Variants in ATXN7L1 observed in about 807,000 individuals in gnomAD.
ATXN7L1 encodes the protein ataxin-7-like protein 1.
In ATXN7L1, 15 loss-of-function variants were observed where a neutral mutation model predicts 70.8. That is an observed-to-expected ratio of 0.21 (90% CI 0.14 to 0.33). The LOEUF is 0.33. Among genes scored for constraint, ATXN7L1 ranks in the 10% least tolerant of loss-of-function variants. The probability of loss-of-function intolerance (pLI) is 1.00; values close to 1 mark genes in which losing one functional copy is unlikely to be tolerated. For missense variants in ATXN7L1, 975 were observed against 1,097.1 expected (o/e 0.89, Z 1.57); for synonymous variants, 440 against 445.1 (o/e 0.99, Z 0.14).
intron 3 of ATXN7L1, among the ~76,000 whole-genome samples, chr7:105,783,869 T>C (rs1269967778): frequency 6.6e-6 from 1 of 152,182 alleles, no homozygotes; most frequent in Non-Finnish European, 1.5e-5. Context: ...CCTGGGGACC[T>C]ATTACTTGTG....
At chr7:105,641,207 T>TCCC in intron 5 of ATXN7L1, among the ~76,000 whole-genome samples, 1 of 100,608 alleles carries the variant, frequency 9.9e-6, no homozygotes, top group African/African-American at 3.7e-5. Context: ...TCTCTCTCTC[T>TCCC]CTCTCTCTTT....
At chr7:105,733,503 C>CATCCATCCATCCATCCATCCATCCA (rs200115510) in intron 3 of ATXN7L1, among the ~76,000 whole-genome samples, 98 of 124,310 alleles carry the variant, frequency 7.9e-4, no homozygotes, top group Middle Eastern at 3.8e-3. Context: ...CCCATCCATC[C>CATCCATCCATCCATCCATCCATCCA]TTCCATCCAT....
rs529496768 is a variant in ATXN7L1 at position 105,874,349 on chromosome 7, C to T, written c.250+1463G>A. Among the ~76,000 whole-genome samples the T allele has an allele frequency of 3.0e-3, 464 of 152,242 alleles. 3 individuals carry two copies. Among genetic ancestry groups the T allele is most frequent in the Non-Finnish European group, 5.4e-3 (365 of 68,018 alleles). On this transcript the variant is annotated intron_variant, in intron 2 of 11. Transcript: ENST00000419735. ...ACAGCCTCATCATCTTTTATGGACA[C>T]GTTGCCAGTAGCCTGATAACTGGGT...
At chr7:105,616,582 T>C (rs1793926267) in intron 9 of ATXN7L1, among the ~76,000 whole-genome samples, 1 of 152,188 alleles carries the variant, frequency 6.6e-6, no homozygotes, top group South Asian at 2.1e-4. Context: ...GCCCCATAAA[T>C]ACTTGTTGCA....
chr7:105,620,234 T>G lies in ATXN7L1; in HGVS notation c.1483A>C (p.Met495Leu). The G allele has an allele frequency of 6.4e-7, 1 of 1,551,546 alleles. No homozygotes were observed. The highest frequency in any genetic ancestry group is 1.2e-5 in the South Asian group (1 of 84,060). The change falls in exon 9 of 12, where the codon ATG (methionine) becomes CTG (leucine). Residue 495 changes from methionine to leucine, a missense_variant. Met to Leu is a conservative substitution (Grantham distance 15). This residue lies in a region of ATXN7L1 where 635 missense variants were observed against 699.4 expected (regional missense o/e 0.91). Transcript: ENST00000419735. Reference protein sequence around the residue: ...WDRFRFALNSMVEKHLNSQMW... With the variant: ...WDRFRFALNSLVEKHLNSQMW... ...TGTGAATTCAGGTGTTTTTCTACCA[T>G]GGAGTTTAGTGCGAATCGAAAACGA...
intron 9 of ATXN7L1, 128 bp downstream of exon 9, chr7:105,620,072 C>T (rs1337267166): frequency 2.5e-6 from 3 of 1,202,232 alleles, no homozygotes; most frequent in African/African-American, 1.5e-5. Context: ...AAGAATTAAT[C>T]AAGCATCCTG....
intron 2 of ATXN7L1, among the ~76,000 whole-genome samples, chr7:105,869,875 T>C (rs1817992977): frequency 1.3e-5 from 2 of 152,206 alleles, no homozygotes; most frequent in Admixed American, 6.5e-5. Context: ...TCCCAGTCCC[T>C]AGAAAGAACT....
At chr7:105,634,480 T>C (rs557545669) in intron 7 of ATXN7L1, among the ~76,000 whole-genome samples, 7 of 152,292 alleles carry the variant, frequency 4.6e-5, no homozygotes, top group African/African-American at 1.7e-4. Flanking sequence ...CCAGCCACCT[T>C]AGGTGAGTAA....
rs1791515856 is a variant in ATXN7L1 at position 105,694,952 on chromosome 7, A to C, written c.356-29664T>G. Among the ~76,000 whole-genome samples, 4 of 152,208 alleles carry C rather than the reference A, an allele frequency of 2.6e-5. No homozygotes were observed. The South Asian group carries it at 8.3e-4, about 32-fold the overall frequency. Reference sequence around the variant, plus strand: ...GGATTGCCTGAGGTCAGGAGTTCGAAACCAGCCCAGCCAACATGCTGAAAC... The same window carrying C: ...GGATTGCCTGAGGTCAGGAGTTCGACACCAGCCCAGCCAACATGCTGAAAC... On this transcript the variant is annotated intron_variant, in intron 3 of 11. Transcript: ENST00000419735.
chr7:105,725,872 C>T (rs894342880), intron 3 of ATXN7L1, among the ~76,000 whole-genome samples: 4 of 151,498 alleles, frequency 2.6e-5, no homozygotes, highest in South Asian at 2.1e-4. Context: ...TGAGCCACCA[C>T]GCATGGCCTC....
intron 2 of ATXN7L1, among the ~76,000 whole-genome samples, chr7:105,817,222 T>C (rs1809328792): frequency 6.6e-6 from 1 of 152,182 alleles, no homozygotes; most frequent in East Asian, 1.9e-4. Context: ...CCTCTACCTA[T>C]TGTTGATACA....
intron 2 of ATXN7L1, among the ~76,000 whole-genome samples, chr7:105,827,392 T>C (rs1474049421): frequency 6.6e-6 from 1 of 152,232 alleles, no homozygotes; most frequent in East Asian, 1.9e-4. Context: ...TTTTATGTCT[T>C]TAGGAGAATA....
At chr7:105,840,929 T>A (rs1026536556) in intron 2 of ATXN7L1, among the ~76,000 whole-genome samples, 1 of 152,216 alleles carries the variant, frequency 6.6e-6, no homozygotes, top group African/African-American at 2.4e-5. Context: ...TAGGGACATT[T>A]TCCTGTGTCC....
chr7:105,828,011 C>G (rs1454914896), intron 2 of ATXN7L1, among the ~76,000 whole-genome samples: 1 of 151,916 alleles, frequency 6.6e-6, no homozygotes, highest in African/African-American at 2.4e-5. Context: ...GGAAAAAAAA[C>G]AACTTTGTTT....
chr7:105,702,961 A>G (rs1792653943), intron 3 of ATXN7L1, among the ~76,000 whole-genome samples: 1 of 152,174 alleles, frequency 6.6e-6, no homozygotes, highest in South Asian at 2.1e-4. Context: ...CTAAAAATAC[A>G]AAAAATTAGC....
At chr7:105,658,515 G>C (rs1158169365) in intron 4 of ATXN7L1, among the ~76,000 whole-genome samples, 2 of 145,260 alleles carry the variant, frequency 1.4e-5, no homozygotes, top group Non-Finnish European at 1.5e-5. Flanking sequence ...CTGTTATGTG[G>C]CACATAACTT....
At chr7:105,669,005 C>T (rs1316659170) in intron 3 of ATXN7L1, among the ~76,000 whole-genome samples, 3 of 152,256 alleles carry the variant, frequency 2.0e-5, no homozygotes, top group Non-Finnish European at 2.9e-5. Flanking sequence ...GCCTTGGCCT[C>T]GCAAAATGTT....
intron 3 of ATXN7L1, among the ~76,000 whole-genome samples, chr7:105,704,816 G>A (rs184091000): frequency 2.6e-5 from 4 of 151,652 alleles, no homozygotes; most frequent in African/African-American, 9.7e-5. Flanking sequence ...TCACTATGTT[G>A]GCCAGGCTGG....
At chr7:105,849,321 G>T (rs1322320281) in intron 2 of ATXN7L1, among the ~76,000 whole-genome samples, 1 of 152,202 alleles carries the variant, frequency 6.6e-6, no homozygotes, top group Non-Finnish European at 1.5e-5. Context: ...ATATGCAGGT[G>T]GGGAGGGCTC....
Sources: gnomAD v4.1 joint callset for allele counts (sites outside exome capture counted in the v4.1 genomes callset) on GRCh38, gnomAD v4.1.1 for gene constraint, gnomAD v4.1.1 regional missense constraint, MANE v1.5 for transcripts, NCBI Gene and HGNC (gene_info 2026-07-23, HGNC 2026-07-21) for gene names.